The following OGDH variants were observed in gnomAD, a reference collection of about 807,000 sequenced individuals.
OGDH encodes the protein 2-oxoglutarate dehydrogenase complex component E1.
OGDH carries 38 observed loss-of-function variants against 116.6 expected under a neutral mutation model. The ratio of observed to expected loss-of-function variants is 0.33; its 90% CI spans 0.25 to 0.43. The LOEUF is 0.43. Ranked by LOEUF, OGDH falls within the 20% of genes least tolerant of loss-of-function variation. The pLI, the probability that OGDH is intolerant of heterozygous loss-of-function variation, is 1.00. For synonymous variants in OGDH, 488 were observed against 533.3 expected (o/e 0.92, Z 1.17); for missense variants, 825 against 1,357.2 (o/e 0.61, Z 6.16).
At chr7:44,643,575 A>C (rs1352038638) in intron 2 of OGDH, among the ~76,000 whole-genome samples, 1 of 152,172 alleles carries the variant, frequency 6.6e-6, no homozygotes, top group African/African-American at 2.4e-5. Flanking sequence ...TGGTAGTGGG[A>C]CCATCTGAGT....
intron 2 of OGDH, among the ~76,000 whole-genome samples, chr7:44,632,741 C>A (rs1351151358): frequency 1.3e-5 from 2 of 152,044 alleles, no homozygotes; most frequent in African/African-American, 4.8e-5. Context: ...GCCTCAGGCT[C>A]CCAAGTAGCT....
intron 1 of OGDH, among the ~76,000 whole-genome samples, chr7:44,619,875 A>G (rs1435945961): frequency 6.6e-6 from 1 of 151,702 alleles, no homozygotes; most frequent in Non-Finnish European, 1.5e-5. Context: ...TCCTTTACCT[A>G]TTTTTTGATT....
chr7:44,617,905 A>T (rs891750836), intron 1 of OGDH, among the ~76,000 whole-genome samples: 1 of 152,088 alleles, frequency 6.6e-6, no homozygotes, highest in African/African-American at 2.4e-5. Flanking sequence ...TGTCATATTG[A>T]TAGGCGTCAG....
chr7:44,624,938 C>G (rs1258364802), intron 2 of OGDH, among the ~76,000 whole-genome samples: 2 of 152,176 alleles, frequency 1.3e-5, no homozygotes, highest in Non-Finnish European at 2.9e-5. Context: ...AGGATACTTT[C>G]ATTTGTAACA....
At chr7:44,621,221 G>A (rs1585228298) in intron 1 of OGDH, among the ~76,000 whole-genome samples, 1 of 152,046 alleles carries the variant, frequency 6.6e-6, no homozygotes, top group East Asian at 1.9e-4. Context: ...CTACAGACAT[G>A]TGCCACCACA....
intron 3 of OGDH, chr7:44,647,341 C>T (rs1478210300): frequency 5.6e-6 from 4 of 713,884 alleles, no homozygotes; most frequent in Non-Finnish European, 9.5e-6. Flanking sequence ...TTTATTGGTG[C>T]TGTGTTCCTC....
intron 20 of OGDH, among the ~76,000 whole-genome samples, chr7:44,706,721 A>T (rs1789093663): frequency 1.3e-5 from 2 of 149,388 alleles, no homozygotes; most frequent in Admixed American, 6.7e-5. Context: ...CCCGGGCCCA[A>T]CCGATTCTTC....
At chr7:44,636,650 C>T (rs903173478) in intron 2 of OGDH, among the ~76,000 whole-genome samples, 1 of 152,192 alleles carries the variant, frequency 6.6e-6, no homozygotes, top group Non-Finnish European at 1.5e-5. Flanking sequence ...CAAGAGCTTC[C>T]TTTGAAGAAA....
rs1225405239 is a variant in OGDH, at chr7:44,645,441, C to G, written c.337C>G (p.Leu113Val). 1.2e-6 allele frequency: 2 copies of G among 1,614,104 alleles called. No individual in the cohort carries two copies. The highest frequency in any genetic ancestry group is 1.7e-6 in the Non-Finnish European group (2 of 1,180,048). The part of the protein sequence containing the change: ...SLAAVAHAQS[L>V]VEAQPNVDKL... ...GGCTGCTGTGGCCCATGCACAGTCC[C>G]TGGTAGAAGCACAGCCCAACGTGGA... The change falls in exon 3 of 23, where the codon CTG becomes GTG. Residue 113 changes from leucine to valine, a missense_variant. Physicochemically the swap from Leu to Val is conservative, Grantham distance 32. Transcript: ENST00000222673.
chr7:44,611,072 ATTT>A (rs56803296), intron 1 of OGDH, among the ~76,000 whole-genome samples: 19 of 122,840 alleles, frequency 1.5e-4, no homozygotes, highest in Non-Finnish European at 1.4e-4. Context: ...ATTTTTCTAA[ATTT>A]TTTTTTTTTT....
At chr7:44,681,987 C>T in intron 10 of OGDH, 139 bp downstream of exon 10, 5 of 1,151,652 alleles carry the variant, frequency 4.3e-6, no homozygotes, top group South Asian at 1.5e-5. Context: ...TGGCTCACGC[C>T]TGTAATCGTA....
intron 20 of OGDH, among the ~76,000 whole-genome samples, chr7:44,706,612 C>T (rs1206394043): frequency 2.8e-5 from 4 of 145,090 alleles, no homozygotes; most frequent in South Asian, 2.2e-4. Context: ...GTGAGCCATG[C>T]GCCCGGCTGG....
chr7:44,607,789 C>T (rs777598894), intron 1 of OGDH, among the ~76,000 whole-genome samples: 4 of 152,074 alleles, frequency 2.6e-5, no homozygotes, highest in Non-Finnish European at 5.9e-5. Context: ...CAACCTCTGC[C>T]TTCCTGGGTT....
At chr7:44,701,088 C>T (rs936912676) in intron 19 of OGDH, among the ~76,000 whole-genome samples, 6 of 152,118 alleles carry the variant, frequency 3.9e-5, no homozygotes, top group Admixed American at 6.5e-5. Context: ...CCTGGGATAC[C>T]GCGGGGGTGG....
intron 7 of OGDH, chr7:44,674,839 G>T (rs769200780): frequency 1.9e-5 from 10 of 537,354 alleles, no homozygotes; most frequent in Non-Finnish European, 3.4e-5. Flanking sequence ...AAGTTCCCTT[G>T]TTGGGGTCTA....
intron 9 of OGDH, among the ~76,000 whole-genome samples, chr7:44,678,485 G>T (rs1224484694): frequency 1.3e-5 from 2 of 152,178 alleles, no homozygotes; most frequent in Non-Finnish European, 2.9e-5. Context: ...GCTACAGATG[G>T]TCACACTGAT....
chr7:44,664,180 C>T (rs1266827183), intron 4 of OGDH, among the ~76,000 whole-genome samples: 1 of 152,174 alleles, frequency 6.6e-6, no homozygotes, highest in Non-Finnish European at 1.5e-5. Flanking sequence ...CACTGTTCCC[C>T]ACTGTGGTGG....
At position 44,645,473 on chromosome 7, in the gene OGDH, C is replaced by T. The variant is rs1223918334; in HGVS notation, c.369C>T (p.Leu123=). 6.2e-7 allele frequency: 1 copy of T among 1,614,166 alleles called. No homozygotes were observed. Among genetic ancestry groups the T allele is most frequent in the Non-Finnish European group, 8.5e-7 (1 of 1,180,034 alleles). ...LVEAQPNVDK[L]VEDHLAVQSL... ...AAGCACAGCCCAACGTGGACAAGCTCGTGGAGGACCACCTGGCAGTGCAGT... is the reference window on the plus strand; with the variant it reads ...AAGCACAGCCCAACGTGGACAAGCTTGTGGAGGACCACCTGGCAGTGCAGT... Residue 123 remains leucine, a synonymous_variant, in exon 3 of 23, where the codon CTC becomes CTT. Coordinates refer to ENST00000222673, the MANE Select transcript of OGDH (RefSeq NM_002541.4).
chr7:44,660,458 G>A lies in OGDH; in HGVS notation c.518-6278G>A, dbSNP rs184435353. Among the ~76,000 whole-genome samples, 24 of 152,116 alleles carry A rather than the reference G, an allele frequency of 1.6e-4. 1 individual carries two copies. The highest frequency in any genetic ancestry group is 5.8e-4 in the African/African-American group (24 of 41,486). On this transcript the variant is annotated intron_variant, in intron 4 of 22. Coordinates refer to ENST00000222673, the MANE Select transcript of OGDH (RefSeq NM_002541.4). Reference sequence around the variant, plus strand: ...ATTTCTTGTTACCTTTCTTATTATTGCTTTCTAGTTTGATTTCATTGTGGT... The same window carrying A: ...ATTTCTTGTTACCTTTCTTATTATTACTTTCTAGTTTGATTTCATTGTGGT...
Sources: gnomAD v4.1 joint callset for allele counts (sites outside exome capture counted in the v4.1 genomes callset) on GRCh38, gnomAD v4.1.1 for gene constraint, MANE v1.5 for transcripts, NCBI Gene and HGNC (gene_info 2026-07-23, HGNC 2026-07-21) for gene names.